Variants in PRKDC observed in about 807,000 individuals in gnomAD.
PRKDC encodes protein kinase, DNA-activated, catalytic subunit, also known as DNA-dependent protein kinase catalytic subunit.
A neutral mutation model predicts 486.9 loss-of-function variants in PRKDC; 82 were observed. That is an observed-to-expected ratio of 0.17 (90% CI 0.14 to 0.20). PRKDC has a LOEUF of 0.20. Among genes scored for constraint, PRKDC ranks in the 10% least tolerant of loss-of-function variants. The probability of loss-of-function intolerance (pLI) is 1.00; values close to 1 mark genes in which losing one functional copy is unlikely to be tolerated. For missense variants in PRKDC, 4,504 were observed against 5,038.2 expected (o/e 0.89, Z 3.21); for synonymous variants, 1,895 against 1,837.0 (o/e 1.03, Z -0.81).
intron 74 of PRKDC, among the ~76,000 whole-genome samples, chr8:47,792,603 G>A (rs903813860): frequency 1.3e-5 from 2 of 152,084 alleles, no homozygotes; most frequent in Non-Finnish European, 2.9e-5. Flanking sequence ...AACTAAAAGA[G>A]TATAACTGGA....
intron 23 of PRKDC, among the ~76,000 whole-genome samples, chr8:47,914,270 T>G (rs908414190): frequency 6.6e-6 from 1 of 152,196 alleles, no homozygotes; most frequent in African/African-American, 2.4e-5. Context: ...AAAATTACTT[T>G]TAAACAAGCC....
At chr8:47,917,127 T>C (rs1254649896) in intron 22 of PRKDC, among the ~76,000 whole-genome samples, 1 of 152,102 alleles carries the variant, frequency 6.6e-6, no homozygotes, top group African/African-American at 2.4e-5. Flanking sequence ...TAGTGGCACA[T>C]GCCTGTGGTC....
chr8:47,865,405 G>A (rs1295321295), intron 40 of PRKDC, among the ~76,000 whole-genome samples: 2 of 151,646 alleles, frequency 1.3e-5, no homozygotes, highest in Non-Finnish European at 2.9e-5. Flanking sequence ...AAATTCAGAA[G>A]TTATGATTTT....
chr8:47,896,184 TCA>T (rs998164616), intron 30 of PRKDC, among the ~76,000 whole-genome samples: 4 of 151,828 alleles, frequency 2.6e-5, no homozygotes, highest in Admixed American at 6.6e-5. Context: ...ATAATCTAAT[TCA>T]GTTATAGTAT....
Position 47,830,658 on chromosome 8 carries a change from C to A in PRKDC, c.8344G>T (p.Asp2782Tyr), listed in dbSNP as rs780772532. The change falls in exon 61 of 86, where the codon GAC (aspartate) becomes TAC (tyrosine). Residue 2782 changes from aspartate to tyrosine, a missense_variant. Asp to Tyr is a radical substitution (Grantham distance 160). This residue lies in a region of PRKDC where 1,592 missense variants were observed against 1,724.6 expected (regional missense o/e 0.92). Coordinates refer to ENST00000314191, the MANE Select transcript of PRKDC (RefSeq NM_006904.7). ...AGGCTGCTGTGCTTGATCTGAATGT[C>A]AGGAAGGTCTCCGTGCCGGTAGCTT... ...YRSYRHGDLPDIQIKHSSLIT... is the reference protein window; with the variant it reads ...YRSYRHGDLPYIQIKHSSLIT... 1 of 1,614,006 alleles carries A rather than the reference C, an allele frequency of 6.2e-7. No homozygotes were observed. Among genetic ancestry groups the A allele is most frequent in the Non-Finnish European group, 8.5e-7 (1 of 1,179,900 alleles).
At chr8:47,925,118 C>T (rs2090136690) in intron 21 of PRKDC, among the ~76,000 whole-genome samples, 2 of 152,212 alleles carry the variant, frequency 1.3e-5, no homozygotes, top group Admixed American at 6.5e-5. Flanking sequence ...GGACCTCCCC[C>T]TGCCCAGCAT....
chr8:47,807,779 G>A (rs2087247517), intron 68 of PRKDC, among the ~76,000 whole-genome samples: 1 of 149,466 alleles, frequency 6.7e-6, no homozygotes, highest in Admixed American at 6.7e-5. Flanking sequence ...GCAGTGGCAC[G>A]ATCTCGACTT....
At chr8:47,805,785 C>T (rs1422507573) in intron 69 of PRKDC, among the ~76,000 whole-genome samples, 3 of 152,066 alleles carry the variant, frequency 2.0e-5, no homozygotes, top group African/African-American at 7.2e-5. Flanking sequence ...GCTAGAAATC[C>T]GAGTTGTTTC....
intron 21 of PRKDC, 135 bp downstream of exon 21, chr8:47,927,059 C>T (rs2090168043): frequency 9.4e-6 from 8 of 854,608 alleles, no homozygotes; most frequent in South Asian, 2.2e-5. Flanking sequence ...AGGGAAATTA[C>T]AAAAATAGCA....
Position 47,953,663 on chromosome 8 carries a change from C to A in PRKDC, c.678G>T (p.Gly226=). The change falls in exon 7 of 86, where the codon GGG becomes GGT. Residue 226 remains glycine (G), a synonymous_variant. Coordinates refer to ENST00000314191, the MANE Select transcript of PRKDC (RefSeq NM_006904.7). ...KLPVLAGCLK[G]LSSLLCNFTK... ...TGAAGTTGCACAGAAGTGAGGACAACCCCTTCAGACATCCTGCCAGAACAG... is the reference window on the plus strand; with the variant it reads ...TGAAGTTGCACAGAAGTGAGGACAAACCCTTCAGACATCCTGCCAGAACAG... 1 of 1,613,582 alleles carries A rather than the reference C, an allele frequency of 6.2e-7. No individual in the cohort carries two copies. The highest frequency in any genetic ancestry group is 8.5e-7 in the Non-Finnish European group (1 of 1,179,754).
chr8:47,808,789 AG>A (rs1455989729), intron 68 of PRKDC, among the ~76,000 whole-genome samples: 1 of 152,164 alleles, frequency 6.6e-6, no homozygotes, highest in Non-Finnish European at 1.5e-5. Context: ...TTGTTTTTCC[AG>A]GAACTCATTT....
intron 21 of PRKDC, among the ~76,000 whole-genome samples, chr8:47,920,895 C>T (rs2090059632): frequency 6.6e-6 from 1 of 152,116 alleles, no homozygotes. Context: ...GTTGTCCAAC[C>T]ATCACCACAT....
intron 74 of PRKDC, among the ~76,000 whole-genome samples, chr8:47,790,370 A>G (rs928485837): frequency 6.6e-6 from 1 of 152,220 alleles, no homozygotes; most frequent in Non-Finnish European, 1.5e-5. Flanking sequence ...AGATCTCTAC[A>G]ATGAAAACTG....
intron 14 of PRKDC, 103 bp from the exon 15 acceptor site, chr8:47,934,193 C>G: frequency 1.5e-6 from 2 of 1,301,262 alleles, no homozygotes; most frequent in Non-Finnish European, 2.1e-6. Context: ...TAAACTGCCA[C>G]CCATAGGAGA....
chr8:47,947,277 G>A (rs370470770), intron 7 of PRKDC, among the ~76,000 whole-genome samples: 2 of 152,142 alleles, frequency 1.3e-5, no homozygotes, highest in Non-Finnish European at 2.9e-5. Flanking sequence ...GAAAGTACCC[G>A]TGGGTCGTGT....
intron 26 of PRKDC, among the ~76,000 whole-genome samples, chr8:47,904,547 C>T (rs2154502432): frequency 6.6e-6 from 1 of 152,358 alleles, no homozygotes; most frequent in African/African-American, 2.4e-5. Context: ...GCCACTGTGC[C>T]TGGCTCACTG....
intron 60 of PRKDC, among the ~76,000 whole-genome samples, chr8:47,831,512 C>T (rs115983776): frequency 9.3e-4 from 141 of 151,914 alleles, no homozygotes; most frequent in African/African-American, 3.3e-3. Context: ...GTCCCTGAAG[C>T]GAGGGCCAGT....
At chr8:47,902,471 C>A (rs2089704488) in intron 27 of PRKDC, 98 bp downstream of exon 27, 2 of 824,204 alleles carry the variant, frequency 2.4e-6, no homozygotes, top group Non-Finnish European at 3.4e-6. Context: ...TAATTACTTA[C>A]TAAATGCAGG....
chr8:47,904,743 A>T, intron 26 of PRKDC, 126 bp downstream of exon 26: 2 of 672,476 alleles, frequency 3.0e-6, no homozygotes, highest in Non-Finnish European at 4.9e-6. Flanking sequence ...CAGTGAGCCA[A>T]GATCGTGCCA....
Sources: allele counts gnomAD v4.1 joint callset (sites outside exome capture counted in the v4.1 genomes callset), GRCh38; gene constraint gnomAD v4.1.1; regional missense constraint gnomAD v4.1.1; transcripts MANE v1.5; gene names NCBI Gene and HGNC (gene_info 2026-07-23, HGNC 2026-07-21).